Variants in HNMT observed in about 807,000 individuals in gnomAD.
HNMT encodes the protein histamine N-methyltransferase.
A neutral mutation model predicts 32.1 loss-of-function variants in HNMT; 30 were observed. The ratio of observed to expected loss-of-function variants is 0.93; its 90% CI spans 0.70 to 1.27. HNMT has a LOEUF of 1.27. Ranked by LOEUF, HNMT falls within the 50% of genes most tolerant of loss-of-function variation. The pLI is 0.00. For missense variants in HNMT, 327 were observed against 346.0 expected (o/e 0.95, Z 0.43); for synonymous variants, 125 against 119.0 (o/e 1.05, Z -0.33).
chr2:137,967,287 A>C, intron 1 of HNMT: 1 of 579,778 alleles, frequency 1.7e-6, no homozygotes, highest in East Asian at 2.9e-5. Flanking sequence ...CGGCATGCAC[A>C]TGCTACTCCA....
At chr2:138,013,736 A>T in intron 5 of HNMT, 39 bp from the exon 6 acceptor site, 1 of 1,510,822 alleles carries the variant, frequency 6.6e-7, no homozygotes, top group Non-Finnish European at 9.1e-7. Flanking sequence ...AAATGAAAGA[A>T]AGAATAAATG....
intron 4 of HNMT, chr2:138,002,708 A>G: frequency 1.5e-6 from 1 of 668,726 alleles, no homozygotes. Flanking sequence ...CAACCTCCAA[A>G]AGTGTTGGAA....
chr2:137,990,189 G>C (rs1234531191), intron 2 of HNMT, among the ~76,000 whole-genome samples: 3 of 152,080 alleles, frequency 2.0e-5, no homozygotes, highest in African/African-American at 7.2e-5. Flanking sequence ...TTTCCTCTGT[G>C]TTATATTTTA....
Position 138,013,889 on chromosome 2 carries a change from T to G in HNMT, c.638T>G (p.Leu213Arg), listed in dbSNP as rs748842042. The G allele has an allele frequency of 5.3e-5, 85 of 1,613,664 alleles. No individual in the cohort carries two copies. Among genetic ancestry groups the G allele is most frequent in the Admixed American group, 1.0e-4 (6 of 59,930 alleles). Residue 213 changes from leucine to arginine, a missense_variant, in exon 6 of 6, where the codon CTT becomes CGT. Physicochemically the swap from Leu to Arg is moderately radical, Grantham distance 102. Coordinates refer to ENST00000280097, the MANE Select transcript of HNMT (RefSeq NM_006895.3). ...ACTCAGATGCTGGACAACCTAGGGC[T>G]TAAGTATGAGTGCTATGACCTTTTG... ...DLTQMLDNLGLKYECYDLLST... is the reference protein window; with the variant it reads ...DLTQMLDNLGRKYECYDLLST...
chr2:138,004,322 G>T (rs1573675784), intron 4 of HNMT, among the ~76,000 whole-genome samples: 3 of 152,130 alleles, frequency 2.0e-5, no homozygotes, highest in Admixed American at 2.0e-4. Context: ...ATATGAAAGA[G>T]GCACAGCTAA....
At chr2:137,969,845 T>C (rs185109742) in intron 1 of HNMT, among the ~76,000 whole-genome samples, 27 of 152,318 alleles carry the variant, frequency 1.8e-4, no homozygotes, top group African/African-American at 6.5e-4. Context: ...GATGAGTGGC[T>C]TATTATATGA....
At chr2:137,967,183 G>T in intron 1 of HNMT, 5 of 754,816 alleles carry the variant, frequency 6.6e-6, no homozygotes, top group Non-Finnish European at 9.9e-6. Context: ...GGCTGAGGCG[G>T]GAGGATTACT....
intron 2 of HNMT, among the ~76,000 whole-genome samples, chr2:138,000,360 A>G (rs1235306407): frequency 1.3e-5 from 2 of 151,910 alleles, no homozygotes; most frequent in Admixed American, 6.6e-5. Flanking sequence ...AGCCAGGGCT[A>G]TTTCTGTGTC....
chr2:137,996,608 A>T (rs970336956), intron 2 of HNMT, among the ~76,000 whole-genome samples: 6 of 152,256 alleles, frequency 3.9e-5, no homozygotes, highest in African/African-American at 1.4e-4. Flanking sequence ...AAATTGATTT[A>T]TAGATTCAAT....
chr2:137,981,295 G>A (rs936176155), intron 2 of HNMT: 1 of 1,613,618 alleles, frequency 6.2e-7, no homozygotes. Context: ...AGAAAGACAA[G>A]CCAGGCATGA....
chr2:137,965,438 G>A (rs1679926275), intron 1 of HNMT, among the ~76,000 whole-genome samples: 1 of 152,174 alleles, frequency 6.6e-6, no homozygotes, highest in African/African-American at 2.4e-5. Flanking sequence ...GCAAAGGAAA[G>A]TGGTATTTTA....
At chr2:138,013,306 CT>C (rs1681565326) in intron 5 of HNMT, among the ~76,000 whole-genome samples, 1 of 152,064 alleles carries the variant, frequency 6.6e-6, no homozygotes, top group African/African-American at 2.4e-5. Context: ...CTCCCCACCC[CT>C]AATCTCTCCA....
chr2:137,991,610 T>C (rs1212419699), intron 2 of HNMT, among the ~76,000 whole-genome samples: 1 of 152,148 alleles, frequency 6.6e-6, no homozygotes, highest in East Asian at 1.9e-4. Context: ...CCAGGAGCCA[T>C]AGATAAAAAC....
Position 137,972,923 on chromosome 2 carries a change from C to G in HNMT, c.190+2706C>G, listed in dbSNP as rs114507794. On this transcript the variant is annotated intron_variant, in intron 2 of 5. Coordinates refer to ENST00000280097, the MANE Select transcript of HNMT (RefSeq NM_006895.3). Reference sequence around the variant, plus strand: ...TCTAGAGAAAGGAACGTTTGGCCTGCACAGTGAGTCCTTACATAAAGGTGC... The same window carrying G: ...TCTAGAGAAAGGAACGTTTGGCCTGGACAGTGAGTCCTTACATAAAGGTGC... Among the ~76,000 whole-genome samples the G allele has an allele frequency of 4.6e-3, 704 of 152,294 alleles. 5 individuals carry two copies. Among genetic ancestry groups the G allele is most frequent in the Non-Finnish European group, 6.6e-3 (447 of 68,016 alleles).
intron 2 of HNMT, among the ~76,000 whole-genome samples, chr2:137,978,368 A>G (rs994034697): frequency 4.1e-5 from 6 of 146,556 alleles, no homozygotes; most frequent in Non-Finnish European, 7.4e-5. Flanking sequence ...AGTATTATAC[A>G]ATACATATGA....
At chr2:138,001,080 A>C in intron 3 of HNMT, 55 bp downstream of exon 3, 4 of 870,304 alleles carry the variant, frequency 4.6e-6, no homozygotes, top group Admixed American at 2.4e-5. Flanking sequence ...GACTTAACTC[A>C]AATTGTTCCC....
intron 1 of HNMT, among the ~76,000 whole-genome samples, chr2:137,965,917 T>C (rs944570776): frequency 2.6e-5 from 4 of 152,180 alleles, no homozygotes; most frequent in Non-Finnish European, 4.4e-5. Flanking sequence ...AAAGTTTAAA[T>C]CTAACTGGAA....
At chr2:137,965,901 A>C (rs1679943347) in intron 1 of HNMT, among the ~76,000 whole-genome samples, 1 of 152,162 alleles carries the variant, frequency 6.6e-6, no homozygotes, top group African/African-American at 2.4e-5. Flanking sequence ...CCCCTTCCTT[A>C]TCTTCAAAGT....
chr2:138,011,530 T>A (rs3791225), intron 5 of HNMT, among the ~76,000 whole-genome samples: 32,395 of 151,934 alleles, frequency 0.21, 3,754 homozygotes, highest in South Asian at 0.3. Flanking sequence ...ATCTCTTGAG[T>A]TAAATTAGAT....
Sources: gnomAD v4.1 joint callset for allele counts (sites outside exome capture counted in the v4.1 genomes callset) on GRCh38, gnomAD v4.1.1 for gene constraint, MANE v1.5 for transcripts, NCBI Gene and HGNC (gene_info 2026-07-23, HGNC 2026-07-21) for gene names.